NAV1: variants seen among roughly 807,000 people sequenced by gnomAD.
NAV1 encodes pore membrane and/or filament interacting like protein 3.
Under a neutral mutation model 175.2 loss-of-function variants are expected in NAV1, and 18 were observed. The observed-to-expected ratio is 0.10, with a 90% CI of 0.07 to 0.15. NAV1 has a LOEUF of 0.15. Ranked by LOEUF, NAV1 falls within the 10% of genes least tolerant of loss-of-function variation. The pLI is 1.00. For synonymous variants in NAV1, 897 were observed against 978.7 expected, an observed-to-expected ratio of 0.92 and a Z score of 1.56; for missense variants, 1,731 against 2,436.6, an observed-to-expected ratio of 0.71 and a Z score of 6.10.
intron 3 of NAV1, among the ~76,000 whole-genome samples, chr1:201,722,862 T>A (rs554341339): frequency 1.6e-4 from 25 of 152,298 alleles, no homozygotes; most frequent in Non-Finnish European, 1.5e-5. Context: ...TCCCAGCACT[T>A]TGGGAGGCTG....
At chr1:201,624,022 T>C (rs558920958) in intron 1 of NAV1, among the ~76,000 whole-genome samples, 15 of 152,222 alleles carry the variant, frequency 9.9e-5, no homozygotes. Flanking sequence ...TTAGACCAAC[T>C]CTATTGGCTT....
chr1:201,818,767 C>G (rs1025888055), intron 29 of NAV1, among the ~76,000 whole-genome samples: 1 of 152,204 alleles, frequency 6.6e-6, no homozygotes, highest in African/African-American at 2.4e-5. Flanking sequence ...TATATTAAAA[C>G]TTAACATGCG....
intron 3 of NAV1, among the ~76,000 whole-genome samples, chr1:201,751,695 C>T (rs1035111138): frequency 1.3e-5 from 2 of 152,160 alleles, no homozygotes; most frequent in Non-Finnish European, 2.9e-5. Flanking sequence ...TTTGGTAAAG[C>T]TGGCATTTAC....
chr1:201,649,997 G>T (rs1669126923), intron 1 of NAV1, among the ~76,000 whole-genome samples: 1 of 152,168 alleles, frequency 6.6e-6, no homozygotes, highest in African/African-American at 2.4e-5. Flanking sequence ...AGGGCCGGGG[G>T]CGGGCGGGCT....
chr1:201,802,465 AAAAAAAAAAAAGAAAG>A (rs1677983592), intron 15 of NAV1, among the ~76,000 whole-genome samples: 1 of 121,518 alleles, frequency 8.2e-6, no homozygotes, highest in African/African-American at 2.8e-5. Context: ...ATTAAAAAAA[AAAAAAAAAAAAGAAAG>A]AAAGAAAAGA....
intron 1 of NAV1, among the ~76,000 whole-genome samples, chr1:201,685,882 A>T (rs1670666061): frequency 6.6e-6 from 1 of 152,164 alleles, no homozygotes; most frequent in African/African-American, 2.4e-5. Context: ...AATTGTGATG[A>T]TACATGATGG....
At chr1:201,761,837 T>A (rs1674865793) in intron 3 of NAV1, among the ~76,000 whole-genome samples, 1 of 152,166 alleles carries the variant, frequency 6.6e-6, no homozygotes, top group Non-Finnish European at 1.5e-5. Context: ...TTTTCCAACC[T>A]CTTCCTTTTT....
chr1:201,648,074 GAC>G (rs1300388056), upstream of NAV1, among the ~76,000 whole-genome samples: 2 of 136,018 alleles, frequency 1.5e-5, no homozygotes, highest in African/African-American at 5.6e-5. Context: ...GCCAGAAATA[GAC>G]ACACTATCTC....
intron 3 of NAV1, among the ~76,000 whole-genome samples, chr1:201,734,187 T>C (rs1470697838): frequency 6.6e-6 from 1 of 152,018 alleles, no homozygotes; most frequent in African/African-American, 2.4e-5. Flanking sequence ...GCGGGCGGAT[T>C]GCTTGAGCCC....
intron 1 of NAV1, among the ~76,000 whole-genome samples, chr1:201,542,963 G>T (rs958875487): frequency 6.6e-6 from 1 of 152,168 alleles, no homozygotes; most frequent in African/African-American, 2.4e-5. Flanking sequence ...GCTGATTTTT[G>T]TGTGTTGATC....
At chr1:201,621,782 C>G (rs1668179232), upstream of NAV1, among the ~76,000 whole-genome samples, 1 of 152,146 alleles carries the variant, frequency 6.6e-6, no homozygotes, top group South Asian at 2.1e-4. Flanking sequence ...AAGGCCTCTC[C>G]CACAACAAAA....
intron 1 of NAV1, among the ~76,000 whole-genome samples, chr1:201,687,139 G>A (rs1185239740): frequency 1.3e-5 from 2 of 152,178 alleles, no homozygotes; most frequent in Non-Finnish European, 2.9e-5. Context: ...TTACAACATG[G>A]AGTGACTAAC....
intron 2 of NAV1, among the ~76,000 whole-genome samples, chr1:201,617,137 T>C (rs940236541): frequency 6.6e-6 from 1 of 151,872 alleles, no homozygotes; most frequent in Non-Finnish European, 1.5e-5. Flanking sequence ...ATCAGGGTAC[T>C]TAGAAGGAGA....
chr1:201,819,731 C>A, intron 29 of NAV1, 106 bp from the exon 34 acceptor site: 1 of 911,024 alleles, frequency 1.1e-6, no homozygotes, highest in Non-Finnish European at 1.8e-6. Context: ...GCTATCCTTC[C>A]ACCTTGGCCT....
At chr1:201,606,938 T>C (rs1667698089) in intron 2 of NAV1, among the ~76,000 whole-genome samples, 1 of 152,188 alleles carries the variant, frequency 6.6e-6, no homozygotes, top group Non-Finnish European at 1.5e-5. Context: ...ACCAAGAATC[T>C]TTATAAGATT....
chr1:201,778,614 C>T (rs764105564), intron 3 of NAV1, among the ~76,000 whole-genome samples: 14 of 152,204 alleles, frequency 9.2e-5, no homozygotes, highest in South Asian at 2.1e-4. Context: ...CATTCAATAA[C>T]GGCTATATTT....
chr1:201,690,320 CCA>C (rs1670861040), intron 1 of NAV1, among the ~76,000 whole-genome samples: 1 of 103,504 alleles, frequency 9.7e-6, no homozygotes. Flanking sequence ...CGTGGCCTGT[CCA>C]TGCAGTGTGT....
chr1:201,557,322 G>T (rs1026893372), intron 1 of NAV1, among the ~76,000 whole-genome samples: 2 of 152,170 alleles, frequency 1.3e-5, no homozygotes, highest in African/African-American at 4.8e-5. Flanking sequence ...AGGGTTGGGG[G>T]ATGTGCTTGT....
chr1:201,563,737 G>A (rs1666274215), intron 1 of NAV1, among the ~76,000 whole-genome samples: 1 of 152,180 alleles, frequency 6.6e-6, no homozygotes, highest in South Asian at 2.1e-4. Flanking sequence ...GCAGAATGCT[G>A]TGGCCCTGAC....
Sources: gnomAD v4.1 joint callset for allele counts (sites outside exome capture counted in the v4.1 genomes callset) on GRCh38, gnomAD v4.1.1 for gene constraint, MANE v1.5 for transcripts, NCBI Gene and HGNC (gene_info 2026-07-23, HGNC 2026-07-21) for gene names.